The following ITPR1 variants were observed in gnomAD, a reference collection of about 807,000 sequenced individuals.
The protein encoded by ITPR1 is inositol 1,4,5-trisphosphate receptor type 1.
A neutral mutation model predicts 318.4 loss-of-function variants in ITPR1; 96 were observed. The ratio of observed to expected loss-of-function variants is 0.30; its 90% CI spans 0.26 to 0.36. ITPR1 has a LOEUF of 0.36. ITPR1 is among the 10% of genes least tolerant of loss of function. The pLI, the probability that ITPR1 is intolerant of heterozygous loss-of-function variation, is 1.00. For missense variants in ITPR1, 2,440 were observed against 3,460.2 expected, an observed-to-expected ratio of 0.71 and a Z score of 7.40; for synonymous variants, 1,312 against 1,289.9, an observed-to-expected ratio of 1.02 and a Z score of -0.37.
intron 6 of ITPR1, among the ~76,000 whole-genome samples, chr3:4,641,785 G>T (rs2093344873): frequency 1.3e-5 from 2 of 152,234 alleles, no homozygotes; most frequent in African/African-American, 4.8e-5. Context: ...CATAGGGCTA[G>T]GTCCACCCCA....
chr3:4,660,985 TAGGA>T lies in ITPR1; in HGVS notation c.1152-1_1154del. Reference sequence around the variant, plus strand: ...CCTAAAACCCTCCTTTTTTCCCTGTTAGGAACTCTTATGTTCGGCTCAGACACCT... The same window carrying T: ...CCTAAAACCCTCCTTTTTTCCCTGTTACTCTTATGTTCGGCTCAGACACCT... On this transcript the variant is annotated splice_acceptor_variant and coding_sequence_variant, in exon 14 of 62. Transcript: ENST00000649015. LOFTEE classifies it high-confidence loss of function. The T allele has an allele frequency of 6.5e-7, 1 of 1,530,380 alleles. No homozygotes were observed. Among genetic ancestry groups the T allele is most frequent in the South Asian group, 1.2e-5 (1 of 86,152 alleles). 94.8% of individuals were successfully genotyped at this position (1,530,380 alleles called of 1,614,324 possible). A position where few individuals can be genotyped will look rare whatever the true frequency, so the allele number is the denominator to read the frequency against.
At chr3:4,572,197 T>C (rs929866398) in intron 4 of ITPR1, among the ~76,000 whole-genome samples, 19 of 152,188 alleles carry the variant, frequency 1.2e-4, no homozygotes. Context: ...TCCCTTGAAC[T>C]CCAGACTCAC....
At chr3:4,840,139 A>C (rs1455487862) in intron 61 of ITPR1, among the ~76,000 whole-genome samples, 1 of 146,836 alleles carries the variant, frequency 6.8e-6, no homozygotes, top group Admixed American at 7.3e-5. Context: ...ACAAACCTTT[A>C]ATGCATTTGA....
chr3:4,724,372 T>A (rs2042363782), intron 40 of ITPR1: 1 of 152,140 alleles, frequency 6.6e-6, no homozygotes, highest in South Asian at 2.1e-4. Context: ...ATCAAAAGGG[T>A]AATGTTGAGC....
chr3:4,789,489 A>G (rs1475130952), intron 52 of ITPR1, among the ~76,000 whole-genome samples: 1 of 152,128 alleles, frequency 6.6e-6, no homozygotes, highest in Non-Finnish European at 1.5e-5. Context: ...CACCCATTTC[A>G]TCCTCATTTT....
At chr3:4,823,499 T>G (rs1345639496) in intron 60 of ITPR1, among the ~76,000 whole-genome samples, 1 of 152,120 alleles carries the variant, frequency 6.6e-6, no homozygotes, top group African/African-American at 2.4e-5. Context: ...ATCCTGTCAT[T>G]TGCAGCAACA....
At chr3:4,828,697 G>A (rs944652758) in intron 60 of ITPR1, among the ~76,000 whole-genome samples, 3 of 152,178 alleles carry the variant, frequency 2.0e-5, no homozygotes, top group African/African-American at 4.8e-5. Context: ...CATCAGAAAC[G>A]GGTGTGGTTC....
rs544453839 is a variant in ITPR1 at position 4,680,687 on chromosome 3, A to C, written c.3102A>C (p.Val1034=). ...GCAGCCAAGAAGGGCCAAGTAATGT[A>C]CCAGGTTAGTGATTCAGAATGGAAT... is the stretch of plus-strand genomic sequence containing the variant. The part of the protein sequence containing the change: ...GNSSQEGPSN[V]PGALDFEHIE... The change falls in exon 25 of 62, where the codon GTA becomes GTC. Residue 1034 remains valine, a synonymous_variant. Transcript: ENST00000649015. 2 of 1,609,676 alleles carry C rather than the reference A, an allele frequency of 1.2e-6. No individual in the cohort carries two copies. The highest frequency in any genetic ancestry group is 2.2e-5 in the South Asian group (2 of 90,638).
chr3:4,805,664 T>C (rs571919570), intron 54 of ITPR1, among the ~76,000 whole-genome samples: 2 of 152,344 alleles, frequency 1.3e-5, no homozygotes, highest in Non-Finnish European at 2.9e-5. Context: ...GCTCATTAAA[T>C]TGCCACCTTA....
chr3:4,573,965 CAAT>C (rs1440229760), intron 4 of ITPR1, among the ~76,000 whole-genome samples: 10 of 152,164 alleles, frequency 6.6e-5, no homozygotes, highest in Non-Finnish European at 1.3e-4. Flanking sequence ...AAAAGATGCT[CAAT>C]AACTATTTGT....
chr3:4,639,927 T>G (rs1250889229), intron 6 of ITPR1, among the ~76,000 whole-genome samples: 1 of 152,240 alleles, frequency 6.6e-6, no homozygotes, highest in Admixed American at 6.5e-5. Flanking sequence ...TTTGATACAT[T>G]TTATACTTAT....
At chr3:4,803,832 G>T (rs1348816773) in intron 54 of ITPR1, among the ~76,000 whole-genome samples, 1 of 152,070 alleles carries the variant, frequency 6.6e-6, no homozygotes, top group African/African-American at 2.4e-5. Flanking sequence ...AAGCTGGTAG[G>T]GGGCAAACAG....
chr3:4,815,988 A>G (rs1264128563), intron 59 of ITPR1, among the ~76,000 whole-genome samples: 1 of 31,130 alleles, frequency 3.2e-5, no homozygotes, highest in East Asian at 1.9e-3. Flanking sequence ...TGCTTTATAC[A>G]CACACACACA....
chr3:4,570,052 T>C (rs576694156), intron 4 of ITPR1, among the ~76,000 whole-genome samples: 1 of 152,274 alleles, frequency 6.6e-6, no homozygotes, highest in South Asian at 2.1e-4. Flanking sequence ...CTTTGGAGAA[T>C]TGCGTATTTT....
chr3:4,820,583 G>A (rs2049634077), intron 60 of ITPR1, among the ~76,000 whole-genome samples: 1 of 152,144 alleles, frequency 6.6e-6, no homozygotes, highest in Admixed American at 6.5e-5. Context: ...TGAGGGCCTG[G>A]GTGTTTGGTG....
chr3:4,708,632 A>G (rs1484408933), intron 37 of ITPR1, among the ~76,000 whole-genome samples: 7 of 152,224 alleles, frequency 4.6e-5, no homozygotes, highest in Non-Finnish European at 1.0e-4. Flanking sequence ...GCAATCAAAC[A>G]TGCTGGTTTC....
In ITPR1 at chr3:4,638,853, G is replaced by T. The variant is rs186366685; in HGVS notation, c.280-531G>T. On this transcript the variant is annotated intron_variant, in intron 5 of 61. Coordinates refer to ENST00000649015, the MANE Select transcript of ITPR1 (RefSeq NM_001378452.1). The stretch of plus-strand genomic sequence containing the variant: ...AGCTAATAACTCCATGTGTGCTACA[G>T]TGTATCAGGTACCGTGCAGTGGAGT... Among the ~76,000 whole-genome samples, 63 of 152,290 alleles carry T rather than the reference G, an allele frequency of 4.1e-4. No homozygotes were observed. In the East Asian group the frequency reaches 8.9e-3, roughly 21 times the overall value.
chr3:4,546,423 G>C (rs2085005080), intron 4 of ITPR1, among the ~76,000 whole-genome samples: 1 of 152,098 alleles, frequency 6.6e-6, no homozygotes, highest in African/African-American at 2.4e-5. Flanking sequence ...TATGAAACTT[G>C]CCCAAACTAA....
chr3:4,677,217 C>T (rs1482378465), intron 24 of ITPR1, among the ~76,000 whole-genome samples: 1 of 152,144 alleles, frequency 6.6e-6, no homozygotes, highest in East Asian at 1.9e-4. Context: ...TTATTGAGAC[C>T]AACTCTGTGC....
Sources: allele counts gnomAD v4.1 joint callset (sites outside exome capture counted in the v4.1 genomes callset), GRCh38; gene constraint gnomAD v4.1.1; transcripts MANE v1.5; gene names NCBI Gene and HGNC (gene_info 2026-07-23, HGNC 2026-07-21).